Variants in CCNH observed in about 807,000 individuals in gnomAD.
CCNH encodes cyclin-H.
A neutral mutation model predicts 41.9 loss-of-function variants in CCNH; 31 were observed. The observed-to-expected ratio is 0.74, with a 90% CI of 0.56 to 1.00. The LOEUF is 1.00. CCNH is among the 50% of genes least tolerant of loss of function. The probability of loss-of-function intolerance (pLI) is 0.00; values close to 1 mark genes in which losing one functional copy is unlikely to be tolerated. For synonymous variants in CCNH, 138 were observed against 136.1 expected (o/e 1.01, Z -0.10); for missense variants, 362 against 388.4 (o/e 0.93, Z 0.57).
At position 87,399,361 on chromosome 5, in the gene CCNH, T is replaced by C. The variant is rs3093827; in HGVS notation, c.872+33A>G. 3,541 of 1,434,764 alleles carry C rather than the reference T, an allele frequency of 2.5e-3. 56 individuals are homozygous for C. In the African/African-American group the frequency reaches 0.041, roughly 17 times the overall value. 88.9% of individuals were successfully genotyped at this position (1,434,764 alleles called of 1,614,324 possible). On this transcript the variant is annotated intron_variant, in intron 7 of 8. Transcript: ENST00000256897. The stretch of plus-strand genomic sequence containing the variant: ...AACCAGCTGGACTGGATAACAGTTA[T>C]GTCTATTGATTAACACTGTCACATT...
chr5:87,375,651 T>C (rs1561321519), downstream of CCNH, among the ~76,000 whole-genome samples: 1 of 152,188 alleles, frequency 6.6e-6, no homozygotes, highest in Non-Finnish European at 1.5e-5. Context: ...TCACTTCTGG[T>C]AGTCAAAGGC....
intron 9 of CCNH, among the ~76,000 whole-genome samples, chr5:87,319,154 G>T (rs1756578893): frequency 6.6e-6 from 1 of 152,210 alleles, no homozygotes. Flanking sequence ...GGCTCTGCAG[G>T]ATACAGCCCC....
intron 9 of CCNH, among the ~76,000 whole-genome samples, chr5:87,343,764 G>T (rs571829029): frequency 7.9e-5 from 12 of 152,268 alleles, no homozygotes; most frequent in African/African-American, 2.9e-4. Context: ...AGAGACAGCT[G>T]CACTCCTATG....
upstream of CCNH, among the ~76,000 whole-genome samples, chr5:87,381,869 T>C (rs1309215216): frequency 1.3e-5 from 2 of 152,212 alleles, no homozygotes; most frequent in African/African-American, 4.8e-5. Context: ...TTCAGGCTCA[T>C]AGACCTACTA....
chr5:87,412,588 G>A, intron 1 of CCNH, 90 bp downstream of exon 1: 3 of 1,536,242 alleles, frequency 2.0e-6, no homozygotes, highest in East Asian at 4.6e-5. Context: ...AGAAACGACG[G>A]AGCGAGATTG....
chr5:87,338,510 TATATATATATATATATATATATAA>T (rs1462578416), intron 9 of CCNH, among the ~76,000 whole-genome samples: 1 of 91,710 alleles, frequency 1.1e-5, no homozygotes, highest in Non-Finnish European at 2.3e-5. Flanking sequence ...TTTATATATA[TATATATATATATATATATATATAA>T]AATTTTTTTT....
chr5:87,384,500 A>G (rs140438134), intron 9 of CCNH, among the ~76,000 whole-genome samples: 4 of 152,296 alleles, frequency 2.6e-5, no homozygotes, highest in Admixed American at 6.5e-5. Flanking sequence ...TTTTACTTCT[A>G]TATAGCCATC....
chr5:87,386,314 G>A lies in CCNH; in HGVS notation c.*90+6456C>T, dbSNP rs16902636. Among the ~76,000 whole-genome samples, 973 of 152,096 alleles carry A rather than the reference G, an allele frequency of 6.4e-3. 5 individuals are homozygous for A. The highest frequency in any genetic ancestry group is 0.014 in the African/African-American group (582 of 41,534). ...TTTTAAGTAGTCAGGATTTTAGTAC[G>A]ATGAGCAGTTAACTACGTGTATGGC... On this transcript the variant is annotated intron_variant and NMD_transcript_variant, in intron 9 of 9. Transcript: ENST00000645953.
intron 9 of CCNH, among the ~76,000 whole-genome samples, chr5:87,353,645 A>G (rs1227710445): frequency 6.6e-6 from 1 of 152,126 alleles, no homozygotes; most frequent in African/African-American, 2.4e-5. Context: ...ATTTGCCTGT[A>G]GTTTTACGGT....
At chr5:87,353,036 G>A in intron 9 of CCNH, 1 of 698,448 alleles carries the variant, frequency 1.4e-6, no homozygotes, top group Non-Finnish European at 2.6e-6. Context: ...ATGTATTTGT[G>A]TTATGTGCTT....
chr5:87,341,828 A>G (rs1355520740), intron 9 of CCNH, among the ~76,000 whole-genome samples: 4 of 152,100 alleles, frequency 2.6e-5, no homozygotes, highest in African/African-American at 4.8e-5. Flanking sequence ...TTAATAGACT[A>G]TTCATCTCCT....
At chr5:87,338,536 A>ATT (rs1232583853) in intron 9 of CCNH, among the ~76,000 whole-genome samples, 6,371 of 84,936 alleles carry the variant, frequency 0.075, 509 homozygotes, top group Non-Finnish European at 0.1. Flanking sequence ...TATATATAAA[A>ATT]TTTTTTTTTT....
chr5:87,385,619 A>G (rs968045484), intron 9 of CCNH, among the ~76,000 whole-genome samples: 1 of 152,138 alleles, frequency 6.6e-6, no homozygotes, highest in East Asian at 1.9e-4. Flanking sequence ...TTCAAGGTCC[A>G]GTGTACTCAA....
At chr5:87,372,010 G>T (rs1315094231), downstream of CCNH, 1 of 823,956 alleles carries the variant, frequency 1.2e-6, no homozygotes, top group African/African-American at 1.8e-5. Flanking sequence ...AGAAATGGCA[G>T]TCTAGAGAAG....
At chr5:87,376,742 A>G in exon 1 of CCNH, 5 of 1,207,548 alleles carry the variant, frequency 4.1e-6, no homozygotes, top group Non-Finnish European at 5.8e-6. Flanking sequence ...CTACGAATTC[A>G]TTCTATTTTA....
At position 87,394,311 on chromosome 5, in the gene CCNH, G is replaced by T. The variant is rs1762743015; in HGVS notation, c.*135C>A. ...GGTTTATTTTACATAAAGTTACTGT[G>T]AAAGGGAAAGAAAACAATAGAAAAG... On this transcript the variant is annotated 3_prime_UTR_variant, in exon 9 of 9. Coordinates refer to ENST00000256897, the MANE Select transcript of CCNH (RefSeq NM_001239.4). 7.3e-6 allele frequency: 10 copies of T among 1,363,384 alleles called. No homozygotes were observed. The South Asian group carries it at 2.0e-4, about 27-fold the overall frequency. 84.5% of individuals were successfully genotyped at this position (1,363,384 alleles called of 1,614,324 possible).
chr5:87,382,945 T>A (rs955418273), intron 9 of CCNH, among the ~76,000 whole-genome samples: 1 of 148,788 alleles, frequency 6.7e-6, no homozygotes, highest in African/African-American at 2.5e-5. Context: ...AAAAAAAAAA[T>A]TGCCAGGTAT....
downstream of CCNH, among the ~76,000 whole-genome samples, chr5:87,387,695 G>A (rs533314200): frequency 2.0e-5 from 3 of 152,180 alleles, no homozygotes; most frequent in East Asian, 5.8e-4. Flanking sequence ...ACAATTTGTG[G>A]CAAACAAATC....
At chr5:87,322,887 G>A (rs549409277) in intron 9 of CCNH, among the ~76,000 whole-genome samples, 1 of 152,334 alleles carries the variant, frequency 6.6e-6, no homozygotes, top group African/African-American at 2.4e-5. Context: ...TAGGAAGGAT[G>A]CTGGTGTTAT....
Sources: gnomAD v4.1 joint callset for allele counts (sites outside exome capture counted in the v4.1 genomes callset) on GRCh38, gnomAD v4.1.1 for gene constraint, MANE v1.5 for transcripts, NCBI Gene and HGNC (gene_info 2026-07-23, HGNC 2026-07-21) for gene names.